RHOT2: variants seen among roughly 807,000 people sequenced by gnomAD.
RHOT2 encodes ras homolog family member T2.
RHOT2 carries 90 observed loss-of-function variants against 81.6 expected under a neutral mutation model. The observed-to-expected ratio is 1.10, with a 90% CI of 0.93 to 1.31. RHOT2 has a LOEUF of 1.31. Ranked by LOEUF, RHOT2 falls within the 40% of genes most tolerant of loss-of-function variation. RHOT2 has a pLI of 0.00. For synonymous variants in RHOT2, 512 were observed against 370.9 expected (o/e 1.38, Z -4.37); for missense variants, 1,014 against 841.9 (o/e 1.20, Z -2.53).
At chr16:669,950 A>T in intron 5 of RHOT2, 173 bp from the exon 6 acceptor site, 1 of 637,992 alleles carries the variant, frequency 1.6e-6, no homozygotes, top group Non-Finnish European at 2.7e-6. Context: ...CAGACAGATG[A>T]GGCTGCACCT....
chr16:671,810 G>GCCCCTTGCCCCCCCCCC, intron 12 of RHOT2, 29 bp downstream of exon 12: 1 of 1,586,244 alleles, frequency 6.3e-7, no homozygotes, highest in South Asian at 1.1e-5. Context: ...CCCTGCCCCT[G>GCCCCTTGCCCCCCCCCC]CCCCCGCCCC....
At chr16:671,225 G>T in intron 11 of RHOT2, 22 bp downstream of exon 11, 1 of 1,528,478 alleles carries the variant, frequency 6.5e-7, no homozygotes. Flanking sequence ...CGGGGCTTGA[G>T]GCCTGCCCTC....
Position 671,676 on chromosome 16 carries a change from C to T in RHOT2, c.870-21C>T, listed in dbSNP as rs370980571. 4.2e-5 allele frequency: 67 copies of T among 1,606,322 alleles called. 1 individual carries two copies. Among genetic ancestry groups the T allele is most frequent in the South Asian group, 4.0e-4 (36 of 90,636 alleles). ...GCTGCAGAGTCTCCTGGGAGCTAGA[C>T]GGGCTGTGGCCTCCCTGCAGGATCC... is the stretch of plus-strand genomic sequence containing the variant. On this transcript the variant is annotated intron_variant, in intron 11 of 18. Coordinates refer to ENST00000315082, the MANE Select transcript of RHOT2 (RefSeq NM_138769.3).
At chr16:672,659 G>T in intron 16 of RHOT2, 44 bp from the exon 17 acceptor site, 2 of 1,611,312 alleles carry the variant, frequency 1.2e-6, no homozygotes, top group Middle Eastern at 1.7e-4. Flanking sequence ...GCCCTAGGGG[G>T]ACCGAGCCCC....
In RHOT2 at chr16:673,111, G is replaced by T; in HGVS notation, c.1711G>T (p.Ala571Ser). ...CAGCACCACCATCTTCACCCAGCTC[G>T]CCACCATGGCCGCCTTCCCGTGGGT... ...EPSTTIFTQL[A>S]TMAAFPHLVH... Residue 571 changes from alanine to serine, a missense_variant, in exon 18 of 19, where the codon GCC becomes TCC. Physicochemically the swap from Ala to Ser is moderately conservative, Grantham distance 99. Coordinates refer to ENST00000315082, the MANE Select transcript of RHOT2 (RefSeq NM_138769.3). 1 of 1,611,140 alleles carries T rather than the reference G, an allele frequency of 6.2e-7. No individual in the cohort carries two copies.
chr16:671,816 G>GCCCCCCCCCCCCC, intron 12 of RHOT2, 35 bp downstream of exon 12: 1 of 568,666 alleles, frequency 1.8e-6, no homozygotes, highest in Non-Finnish European at 2.9e-6. Flanking sequence ...CCCTGCCCCC[G>GCCCCCCCCCCCCC]CCCCCTCCCC....
At position 672,338 on chromosome 16, in the gene RHOT2, T is replaced by G. The variant is rs781248038; in HGVS notation, c.1280T>G (p.Val427Gly). 3.4e-5 allele frequency: 55 copies of G among 1,611,536 alleles called. No individual in the cohort carries two copies. Among genetic ancestry groups the G allele is most frequent in the Non-Finnish European group, 4.3e-5 (51 of 1,179,358 alleles). ...LLCKVVGARG[V>G]GKSAFLQAFL... ...TGCAAGGTGGTAGGGGCCCGTGGAGTGGGCAAGTCTGCCTTCCTGCAGGCC... is the reference window on the plus strand; with the variant it reads ...TGCAAGGTGGTAGGGGCCCGTGGAGGGGGCAAGTCTGCCTTCCTGCAGGCC... Residue 427 changes from valine to glycine, a missense_variant, in exon 15 of 19, where the codon GTG becomes GGG. Coordinates refer to ENST00000315082, the MANE Select transcript of RHOT2 (RefSeq NM_138769.3).
At position 668,395 on chromosome 16, in the gene RHOT2, A is replaced by G. The variant is rs1027436312; in HGVS notation, c.80A>G (p.Glu27Gly). ...KTSLILSLVGEEFPEEVPPRA... is the reference protein window; with the variant it reads ...KTSLILSLVGGEFPEEVPPRA... Reference sequence around the variant, plus strand: ...TCGCTGATCCTGTCCCTGGTGGGCGAGGAGTTCCCCGAGGAGGTAAGGGGC... The same window carrying G: ...TCGCTGATCCTGTCCCTGGTGGGCGGGGAGTTCCCCGAGGAGGTAAGGGGC... Residue 27 changes from glutamate (E) to glycine (G), a missense_variant, in exon 2 of 19, where the codon GAG (glutamate) becomes GGG (glycine). Transcript: ENST00000315082. 2 of 1,470,302 alleles carry G rather than the reference A, an allele frequency of 1.4e-6. No homozygotes were observed. Among genetic ancestry groups the G allele is most frequent in the Non-Finnish European group, 1.8e-6 (2 of 1,117,738 alleles). 91.1% of individuals were successfully genotyped at this position (1,470,302 alleles called of 1,614,324 possible). A position where few individuals can be genotyped will look rare whatever the true frequency, so the allele number is the denominator to read the frequency against.
At position 671,997 on chromosome 16, in the gene RHOT2, G is replaced by C; in HGVS notation, c.1092G>C (p.Gln364His). The stretch of plus-strand genomic sequence containing the variant: ...TGCCCCTGCACGGATACCTCTGCCA[G>C]TGGACGTAAGTGCGGCCCACACCAT... Reference protein sequence around the residue: ...GRLPLHGYLCQWTLVTYLDVR... With the variant: ...GRLPLHGYLCHWTLVTYLDVR... The change falls in exon 13 of 19, where the codon CAG becomes CAC. Residue 364 changes from glutamine (Q) to histidine (H), a missense_variant. Transcript: ENST00000315082. The C allele has an allele frequency of 6.2e-7, 1 of 1,611,848 alleles. No individual in the cohort carries two copies. The highest frequency in any genetic ancestry group is 1.3e-5 in the African/African-American group (1 of 75,046).
Position 672,300 on chromosome 16 carries a change from G to C in RHOT2, c.1242G>C (p.Arg414=), listed in dbSNP as rs1277026035. The C allele has an allele frequency of 3.1e-6, 5 of 1,612,376 alleles. No homozygotes were observed. The highest frequency in any genetic ancestry group is 4.2e-6 in the Non-Finnish European group (5 of 1,179,746). The change falls in exon 15 of 19, where the codon CGG becomes CGC. Residue 414 remains arginine (R), a synonymous_variant. Transcript: ENST00000315082. The part of the protein sequence containing the change: ...RLDQEKGQTQ[R]SVLLCKVVGA... ...ACCAGGAGAAGGGACAGACGCAGCG[G>C]AGCGTCCTCCTGTGCAAGGTGGTAG...
At chr16:668,996 C>T in intron 4 of RHOT2, 1 of 498,612 alleles carries the variant, frequency 2.0e-6, no homozygotes, top group Non-Finnish European at 3.5e-6. Context: ...CGTCCCCGTG[C>T]TGTGTGCTCC....
intron 4 of RHOT2, chr16:669,167 A>T (rs940587210): frequency 7.7e-6 from 3 of 388,320 alleles, no homozygotes; most frequent in Admixed American, 8.2e-5. Flanking sequence ...GCGAGGGGGG[A>T]GGCAGGGGCC....
rs1163477282 is a variant in RHOT2 at position 670,709 on chromosome 16, T to C, written c.575T>C (p.Ile192Thr). Reference sequence around the variant, plus strand: ...GCGTGCGCCCAGGCGCTGACGCGCATCTTCAGGCTCTCAGATCAGGACCTG... The same window carrying C: ...GCGTGCGCCCAGGCGCTGACGCGCACCTTCAGGCTCTCAGATCAGGACCTG... ...RPACAQALTRIFRLSDQDLDQ... is the reference protein window; with the variant it reads ...RPACAQALTRTFRLSDQDLDQ... Residue 192 changes from isoleucine to threonine, a missense_variant, in exon 9 of 19, where the codon ATC (isoleucine) becomes ACC (threonine). By Grantham distance (89) the Ile-to-Thr change is moderately conservative. Coordinates refer to ENST00000315082, the MANE Select transcript of RHOT2 (RefSeq NM_138769.3). The C allele has an allele frequency of 1.2e-6, 2 of 1,612,432 alleles. No individual in the cohort carries two copies. Among genetic ancestry groups the C allele is most frequent in the Non-Finnish European group, 1.7e-6 (2 of 1,179,920 alleles).
chr16:673,467 T>G lies in RHOT2; in HGVS notation c.1731-13T>G, dbSNP rs764502004. ...TGCCTGAGGTATCTGCAGATGATTC[T>G]TCTCTCTTGCAGACATTTGGTCCAC... is the stretch of plus-strand genomic sequence containing the variant. On this transcript the variant is annotated splice_polypyrimidine_tract_variant and intron_variant, in intron 18 of 18. Coordinates refer to ENST00000315082, the MANE Select transcript of RHOT2 (RefSeq NM_138769.3). 2.5e-6 allele frequency: 4 copies of G among 1,612,630 alleles called. No homozygotes were observed. Among genetic ancestry groups the G allele is most frequent in the Non-Finnish European group, 3.4e-6 (4 of 1,179,904 alleles).
Position 670,877 on chromosome 16 carries a change from T to C in RHOT2, c.640-15T>C. 1 of 1,582,064 alleles carries C rather than the reference T, an allele frequency of 6.3e-7. No individual in the cohort carries two copies. The highest frequency in any genetic ancestry group is 8.6e-7 in the Non-Finnish European group (1 of 1,159,858). On this transcript the variant is annotated splice_polypyrimidine_tract_variant and intron_variant, in intron 9 of 18. Coordinates refer to ENST00000315082, the MANE Select transcript of RHOT2 (RefSeq NM_138769.3). ...GGTGGCTGGCTGACTCCCAACAACG[T>C]TCTCTCGGAAGCAGAAATCCTGCTT...
At position 671,071 on chromosome 16, in the gene RHOT2, G is replaced by A; in HGVS notation, c.749-12G>A. On this transcript the variant is annotated splice_polypyrimidine_tract_variant and intron_variant, in intron 10 of 18. Transcript: ENST00000315082. ...CTGTGCCTGGTGCTCCCCCTGCTTT[G>A]TCTCGGTGCAGGTTTCCTCTTCCTG... The A allele has an allele frequency of 1.2e-6, 2 of 1,609,010 alleles. No individual in the cohort carries two copies. Among genetic ancestry groups the A allele is most frequent in the Middle Eastern group, 1.7e-4 (1 of 6,056 alleles).
chr16:673,086 C>G lies in RHOT2; in HGVS notation c.1686C>G (p.Pro562=). Residue 562 remains proline, a synonymous_variant, in exon 18 of 19, where the codon CCC becomes CCG. Coordinates refer to ENST00000315082, the MANE Select transcript of RHOT2 (RefSeq NM_138769.3). ...VPFSCAGPAE[P]STTIFTQLAT... ...TCTCCTGTGCTGGCCCAGCCGAGCC[C>G]AGCACCACCATCTTCACCCAGCTCG... 6.2e-7 allele frequency: 1 copy of G among 1,611,742 alleles called. No homozygotes were observed. The highest frequency in any genetic ancestry group is 8.5e-7 in the Non-Finnish European group (1 of 1,179,938).
intron 4 of RHOT2, 198 bp downstream of exon 4, chr16:668,897 G>A: frequency 3.6e-6 from 2 of 556,696 alleles, no homozygotes; most frequent in South Asian, 2.5e-5. Context: ...GGTGCTCCAG[G>A]GATAACAGGA....
chr16:672,595 C>T (rs749265161), intron 16 of RHOT2, 29 bp downstream of exon 16: 1 of 1,611,280 alleles, frequency 6.2e-7, no homozygotes, highest in Non-Finnish European at 8.5e-7. Flanking sequence ...CGGCCTGTGC[C>T]CGAGGGTGGA....
Sources: allele counts gnomAD v4.1 joint callset, GRCh38; gene constraint gnomAD v4.1.1; transcripts MANE v1.5; gene names NCBI Gene and HGNC (gene_info 2026-07-23, HGNC 2026-07-21).